Variants in DMXL2 observed in about 807,000 individuals in gnomAD.
The protein encoded by DMXL2 is Dmx like 2, also known as dmX-like protein 2.
Under a neutral mutation model 331.1 loss-of-function variants are expected in DMXL2, and 103 were observed. The observed-to-expected ratio is 0.31, with a 90% CI of 0.27 to 0.37. DMXL2 has a LOEUF of 0.37. Ranked by LOEUF, DMXL2 falls within the 10% of genes least tolerant of loss-of-function variation. The pLI is 1.00. For synonymous variants in DMXL2, 1,281 were observed against 1,252.1 expected, an observed-to-expected ratio of 1.02 and a Z score of -0.49; for missense variants, 3,171 against 3,642.9, an observed-to-expected ratio of 0.87 and a Z score of 3.33.
chr15:51,501,543 G>C (rs1454301064), intron 17 of DMXL2, among the ~76,000 whole-genome samples: 1 of 152,132 alleles, frequency 6.6e-6, no homozygotes, highest in African/African-American at 2.4e-5. Flanking sequence ...AAAAGCCTCA[G>C]TGGTTTACAA....
Position 51,481,371 on chromosome 15 carries a change from G to A in DMXL2, c.5735C>T (p.Thr1912Ile). 1 of 1,613,846 alleles carries A rather than the reference G, an allele frequency of 6.2e-7. No homozygotes were observed. The highest frequency in any genetic ancestry group is 8.5e-7 in the Non-Finnish European group (1 of 1,179,886). ...LEVLSKIPKV[T>I]KTSALSAKKD... ...TTTTGCAGATAAGGCAGATGTTTTG[G>A]TTACTTTTGGAATTTTGGAGAGTAC... is the stretch of plus-strand genomic sequence containing the variant. The change falls in exon 24 of 44, where the codon ACC (threonine) becomes ATC (isoleucine). Residue 1912 changes from threonine (T) to isoleucine (I), a missense_variant. This residue lies in a region of DMXL2 where 244 missense variants were observed against 251.4 expected (regional missense o/e 0.97). Coordinates refer to ENST00000560891, the MANE Select transcript of DMXL2 (RefSeq NM_001378457.1).
At position 51,486,115 on chromosome 15, in the gene DMXL2, T is replaced by C; in HGVS notation, c.5440A>G (p.Thr1814Ala). ...TCCTTTGGTGTTTGTTCCAGTAATG[T>C]GTCCAAGGCTCGGGTGTAATCTTTC... ...VMKDYTRALD[T>A]LLEQTPKEDD... The change falls in exon 23 of 44, where the codon ACA becomes GCA. Residue 1814 changes from threonine (T) to alanine (A), a missense_variant. By Grantham distance (58) the Thr-to-Ala change is moderately conservative. Transcript: ENST00000560891. 1 of 1,613,510 alleles carries C rather than the reference T, an allele frequency of 6.2e-7. No individual in the cohort carries two copies. The highest frequency in any genetic ancestry group is 8.5e-7 in the Non-Finnish European group (1 of 1,179,598).
intron 3 of DMXL2, 94 bp from the exon 4 acceptor site, chr15:51,565,260 T>A: frequency 1.5e-6 from 1 of 658,972 alleles, no homozygotes; most frequent in Non-Finnish European, 2.4e-6. Flanking sequence ...TTTCTTCAAC[T>A]TAAGACTTTA....
rs761591199 is a variant in DMXL2 at position 51,456,171 on chromosome 15, G to A, written c.8421C>T (p.Gly2807=). Residue 2807 remains glycine, a synonymous_variant, in exon 39 of 44, where the codon GGC becomes GGT. Transcript: ENST00000560891. ...GCGTCCATTCAAACATTCGTACACT[G>A]CCGTCCTGAGCACCTGTAAGATCTG... The part of the protein sequence containing the change: ...HQYYLTGAQD[G]SVRMFEWTRP... 19 of 1,613,932 alleles carry A rather than the reference G, an allele frequency of 1.2e-5. No individual in the cohort carries two copies. In the South Asian group the frequency reaches 2.0e-4, roughly 17 times the overall value.
chr15:51,539,205 G>A (rs536252854), intron 9 of DMXL2, among the ~76,000 whole-genome samples: 3 of 149,060 alleles, frequency 2.0e-5, no homozygotes, highest in Non-Finnish European at 4.4e-5. Context: ...GCAAGACTCC[G>A]TTTCCAAAAA....
intron 32 of DMXL2, among the ~76,000 whole-genome samples, chr15:51,464,268 G>A (rs1189794479): frequency 6.6e-6 from 1 of 152,106 alleles, no homozygotes; most frequent in East Asian, 1.9e-4. Flanking sequence ...AGCCGATGGC[G>A]CTCGCCTGTT....
intron 1 of DMXL2, among the ~76,000 whole-genome samples, chr15:51,608,220 T>G (rs1035572999): frequency 6.6e-6 from 1 of 151,826 alleles, no homozygotes; most frequent in Admixed American, 6.6e-5. Context: ...AAAACAGAAC[T>G]ACAATTCAAC....
At chr15:51,483,653 C>T (rs971387130) in intron 23 of DMXL2, among the ~76,000 whole-genome samples, 4 of 151,796 alleles carry the variant, frequency 2.6e-5, no homozygotes, top group Admixed American at 6.5e-5. Context: ...CAGCGTGCAG[C>T]GCCCCTGCTC....
At chr15:51,453,781 T>A in intron 40 of DMXL2, 140 bp from the exon 41 acceptor site, 1 of 644,602 alleles carries the variant, frequency 1.6e-6, no homozygotes, top group Non-Finnish European at 2.7e-6. Flanking sequence ...GATAAAAGAA[T>A]AAGTGATAGT....
intron 37 of DMXL2, among the ~76,000 whole-genome samples, chr15:51,457,066 G>A (rs1411260713): frequency 6.6e-6 from 1 of 152,188 alleles, no homozygotes; most frequent in African/African-American, 2.4e-5. Flanking sequence ...CAGCTACTTG[G>A]GAGGTTGAGA....
At chr15:51,591,284 T>C (rs188114452) in intron 1 of DMXL2, among the ~76,000 whole-genome samples, 1 of 152,352 alleles carries the variant, frequency 6.6e-6, no homozygotes, top group Non-Finnish European at 1.5e-5. Flanking sequence ...CAGGAGATTA[T>C]ATCCCGCGCC....
intron 6 of DMXL2, among the ~76,000 whole-genome samples, chr15:51,553,437 T>C (rs534439775): frequency 6.6e-6 from 1 of 152,352 alleles, no homozygotes; most frequent in East Asian, 1.9e-4. Flanking sequence ...TGCAGATTGC[T>C]AGAATTCTAA....
At chr15:51,464,608 T>C in intron 32 of DMXL2, 67 bp downstream of exon 32, 1 of 1,395,426 alleles carries the variant, frequency 7.2e-7, no homozygotes, top group Non-Finnish European at 1.0e-6. Context: ...TATTGGCATA[T>C]TTAGCCAAAC....
At chr15:51,459,074 T>C (rs2140237641) in intron 34 of DMXL2, 1 of 351,926 alleles carries the variant, frequency 2.8e-6, no homozygotes, top group South Asian at 3.8e-5. Flanking sequence ...ATTAGTAATT[T>C]ATACAGTAGT....
At chr15:51,493,914 T>A (rs1486999544) in intron 19 of DMXL2, among the ~76,000 whole-genome samples, 1 of 152,146 alleles carries the variant, frequency 6.6e-6, no homozygotes, top group Non-Finnish European at 1.5e-5. Flanking sequence ...TTATTTTATA[T>A]TTTTTATAAT....
chr15:51,508,819 G>T (rs1444044048), intron 15 of DMXL2, among the ~76,000 whole-genome samples: 1 of 152,100 alleles, frequency 6.6e-6, no homozygotes, highest in Non-Finnish European at 1.5e-5. Flanking sequence ...ATAAAGAAAT[G>T]CTTTTCTTTA....
In DMXL2 at chr15:51,500,219, G is replaced by T. The variant is rs1371966639; in HGVS notation, c.3005C>A (p.Ser1002Tyr). ...AAGGCACACTGGATAAATTGAAGAA[G>T]AACTCAGATGGCCTTAAAAAAGAAA... ...RATPSAGHLS[S>Y]SSIYPVCLAP... The change falls in exon 18 of 44, where the codon TCT (serine) becomes TAT (tyrosine). Residue 1002 changes from serine to tyrosine, a missense_variant. Ser to Tyr is a moderately radical substitution (Grantham distance 144). Around this residue, in one of 7 missense-constraint regions of DMXL2, gnomAD observed 1,674 missense variants for 1,780.2 expected, o/e 0.94. Transcript: ENST00000560891. 1 of 1,593,268 alleles carries T rather than the reference G, an allele frequency of 6.3e-7. No individual in the cohort carries two copies. Among genetic ancestry groups the T allele is most frequent in the Non-Finnish European group, 8.5e-7 (1 of 1,172,192 alleles).
Position 51,547,248 on chromosome 15 carries a change from G to A in DMXL2, c.728C>T (p.Thr243Ile), listed in dbSNP as rs1214350886. 1 of 1,611,022 alleles carries A rather than the reference G, an allele frequency of 6.2e-7. No homozygotes were observed. Among genetic ancestry groups the A allele is most frequent in the South Asian group, 1.1e-5 (1 of 90,590 alleles). ...ATCTAACCTGGGCATATACTTGCTA[G>A]TTTTGCGCCACGAAAAACCTGTCAC... Reference protein sequence around the residue: ...RAVTGFSWRKTSKYMPRGSVC... With the variant: ...RAVTGFSWRKISKYMPRGSVC... The change falls in exon 7 of 44, where the codon ACT (threonine) becomes ATT (isoleucine). Residue 243 changes from threonine (T) to isoleucine (I), a missense_variant. Around this residue, in one of 7 missense-constraint regions of DMXL2, gnomAD observed 1,674 missense variants for 1,780.2 expected, o/e 0.94. Coordinates refer to ENST00000560891, the MANE Select transcript of DMXL2 (RefSeq NM_001378457.1).
intron 1 of DMXL2, among the ~76,000 whole-genome samples, chr15:51,587,187 C>CT (rs1367416154): frequency 1.3e-5 from 2 of 152,098 alleles, no homozygotes; most frequent in Admixed American, 6.5e-5. Context: ...TTTTATTATA[C>CT]TTTAAGTTTT....
Sources: gnomAD v4.1 joint callset for allele counts (sites outside exome capture counted in the v4.1 genomes callset) on GRCh38, gnomAD v4.1.1 for gene constraint, gnomAD v4.1.1 regional missense constraint, MANE v1.5 for transcripts, NCBI Gene and HGNC (gene_info 2026-07-23, HGNC 2026-07-21) for gene names.